The following MAGI3 variants were observed in gnomAD, a reference collection of about 807,000 sequenced individuals.
MAGI3 encodes the protein membrane-associated guanylate kinase, WW and PDZ domain-containing protein 3.
MAGI3 carries 43 observed loss-of-function variants against 121.8 expected under a neutral mutation model. The ratio of observed to expected loss-of-function variants is 0.35; its 90% CI spans 0.28 to 0.46. MAGI3 has a LOEUF of 0.46. Among genes scored for constraint, MAGI3 ranks in the 20% least tolerant of loss-of-function variants. The pLI, the probability that MAGI3 is intolerant of heterozygous loss-of-function variation, is 1.00. For synonymous variants in MAGI3, 553 were observed against 639.3 expected (o/e 0.86, Z 2.04); for missense variants, 1,547 against 1,797.3 (o/e 0.86, Z 2.52).
At chr1:113,431,738 T>C (rs2101421776) in intron 1 of MAGI3, among the ~76,000 whole-genome samples, 1 of 152,264 alleles carries the variant, frequency 6.6e-6, no homozygotes, top group African/African-American at 2.4e-5. Flanking sequence ...AGAAAAAATA[T>C]TTTCAGATAG....
chr1:113,627,490 T>G (rs1319233496), intron 9 of MAGI3, among the ~76,000 whole-genome samples: 1 of 151,340 alleles, frequency 6.6e-6, no homozygotes, highest in East Asian at 1.9e-4. Flanking sequence ...TGATTTTCTG[T>G]CTGGAAGATC....
At chr1:113,444,111 T>C (rs1397155744) in intron 1 of MAGI3, among the ~76,000 whole-genome samples, 1 of 152,222 alleles carries the variant, frequency 6.6e-6, no homozygotes, top group Non-Finnish European at 1.5e-5. Flanking sequence ...CAGTTACAGC[T>C]CTTCGCATGG....
At chr1:113,582,849 T>G in intron 3 of MAGI3, among the ~76,000 whole-genome samples, 1 of 151,886 alleles carries the variant, frequency 6.6e-6, no homozygotes, top group Middle Eastern at 3.4e-3. Flanking sequence ...TATATATAAA[T>G]AAATACATGT....
intron 16 of MAGI3, among the ~76,000 whole-genome samples, chr1:113,671,363 G>A (rs1256126962): frequency 6.6e-6 from 1 of 152,070 alleles, no homozygotes; most frequent in Non-Finnish European, 1.5e-5. Context: ...TCTAGAATGG[G>A]TTACCAATTA....
At chr1:113,645,773 G>A (rs1004663995) in intron 11 of MAGI3, among the ~76,000 whole-genome samples, 2 of 152,092 alleles carry the variant, frequency 1.3e-5, no homozygotes, top group Non-Finnish European at 2.9e-5. Context: ...CCAGGAAAAC[G>A]AGCTGGTCTC....
Position 113,614,639 on chromosome 1 carries a change from T to A in MAGI3, c.1057T>A (p.Tyr353Asn), listed in dbSNP as rs776479772. ...YGWEKIEDPQYGTYYVDHLNQ... is the reference protein window; with the variant it reads ...YGWEKIEDPQNGTYYVDHLNQ... ...CTGGGAGAAAATAGAGGACCCTCAG[T>A]ATGGGACATACTATGTTGAGTAAGT... is the stretch of plus-strand genomic sequence containing the variant. Residue 353 changes from tyrosine (Y) to asparagine (N), a missense_variant, in exon 7 of 21, where the codon TAT becomes AAT. Transcript: ENST00000307546. The A allele has an allele frequency of 6.2e-7, 1 of 1,608,286 alleles. No homozygotes were observed. Among genetic ancestry groups the A allele is most frequent in the Non-Finnish European group, 8.5e-7 (1 of 1,176,868 alleles).
chr1:113,649,463 T>A, intron 13 of MAGI3, 135 bp downstream of exon 13: 5 of 580,602 alleles, frequency 8.6e-6, no homozygotes, highest in African/African-American at 1.9e-5. Context: ...GCATTTCCAT[T>A]ATTATCATAG....
At position 113,673,468 on chromosome 1, in the gene MAGI3, G is replaced by C. The variant is rs1476281927; in HGVS notation, c.3189+3G>C. The C allele has an allele frequency of 6.2e-7, 1 of 1,612,186 alleles. No homozygotes were observed. Among genetic ancestry groups the C allele is most frequent in the Non-Finnish European group, 8.5e-7 (1 of 1,179,716 alleles). On this transcript the variant is annotated splice_donor_region_variant and intron_variant, in intron 19 of 20. Coordinates refer to ENST00000307546, the MANE Select transcript of MAGI3 (RefSeq NM_001142782.2). ...CCATCAAAGATGGCAGAATTCATGT[G>C]AGTTGGTTTCTGTCTGTAACCTTAG...
Position 113,449,360 on chromosome 1 carries a change from GGT to G in MAGI3, c.316+58039_316+58040del, listed in dbSNP as rs71087199. The stretch of plus-strand genomic sequence containing the variant: ...TTTATAAGTGTTGCATTACTTTTAT[GGT>G]GTGTGTGTGTGTGTGTGTGTGTGTG... On this transcript the variant is annotated intron_variant, in intron 1 of 20. Coordinates refer to ENST00000307546, the MANE Select transcript of MAGI3 (RefSeq NM_001142782.2). Among the ~76,000 whole-genome samples, 806 of 147,290 alleles carry G rather than the reference GGT, an allele frequency of 5.5e-3. 5 individuals carry two copies. The highest frequency in any genetic ancestry group is 0.014 in the Middle Eastern group (4 of 282).
chr1:113,573,770 T>G (rs554250674), intron 2 of MAGI3, among the ~76,000 whole-genome samples: 1 of 152,274 alleles, frequency 6.6e-6, no homozygotes, highest in Admixed American at 6.5e-5. Context: ...TCTTGTTGAT[T>G]TGCCTAATAT....
chr1:113,515,058 T>A (rs1657818307), intron 1 of MAGI3, among the ~76,000 whole-genome samples: 1 of 152,108 alleles, frequency 6.6e-6, no homozygotes, highest in African/African-American at 2.4e-5. Flanking sequence ...TTTGAATAGA[T>A]GTTGATTTTG....
chr1:113,547,703 A>C (rs1369641979), intron 1 of MAGI3, among the ~76,000 whole-genome samples: 2 of 152,204 alleles, frequency 1.3e-5, no homozygotes, highest in African/African-American at 2.4e-5. Context: ...ATTTTATTCT[A>C]TCCGGTGATG....
At chr1:113,665,546 G>GT (rs1469380069) in intron 16 of MAGI3, among the ~76,000 whole-genome samples, 1 of 151,988 alleles carries the variant, frequency 6.6e-6, no homozygotes, top group East Asian at 1.9e-4. Flanking sequence ...TCAAAGTGCA[G>GT]TTTTTTGGGG....
At chr1:113,597,414 A>G (rs1649088336) in intron 6 of MAGI3, among the ~76,000 whole-genome samples, 1 of 152,212 alleles carries the variant, frequency 6.6e-6, no homozygotes, top group African/African-American at 2.4e-5. Context: ...TCAGTAAATT[A>G]TTAAAAATTA....
intron 1 of MAGI3, among the ~76,000 whole-genome samples, chr1:113,544,213 A>G (rs766230978): frequency 3.3e-5 from 5 of 152,198 alleles, no homozygotes; most frequent in Non-Finnish European, 5.9e-5. Context: ...ACTTTCATGG[A>G]GGCTTCCCTT....
At chr1:113,532,203 A>G (rs1352086660) in intron 1 of MAGI3, among the ~76,000 whole-genome samples, 1 of 152,140 alleles carries the variant, frequency 6.6e-6, no homozygotes, top group Non-Finnish European at 1.5e-5. Flanking sequence ...ATACTTTGCT[A>G]AGAAAGAAAA....
chr1:113,435,926 G>A (rs1327062252), intron 1 of MAGI3, among the ~76,000 whole-genome samples: 6 of 151,978 alleles, frequency 3.9e-5, no homozygotes, highest in Non-Finnish European at 7.4e-5. Flanking sequence ...ATTTTTAAAG[G>A]TACTTATAGC....
chr1:113,399,409 G>C (rs139899435), intron 1 of MAGI3, among the ~76,000 whole-genome samples: 5 of 152,100 alleles, frequency 3.3e-5, no homozygotes, highest in Admixed American at 3.3e-4. Flanking sequence ...GTTCCTGAAA[G>C]GGTGGGATGC....
intron 6 of MAGI3, among the ~76,000 whole-genome samples, chr1:113,608,028 A>G (rs1362757285): frequency 1.3e-5 from 2 of 152,160 alleles, no homozygotes; most frequent in Non-Finnish European, 2.9e-5. Context: ...ATTTCTTTGT[A>G]GCCCCTTCTG....
Sources: allele counts gnomAD v4.1 joint callset (sites outside exome capture counted in the v4.1 genomes callset), GRCh38; gene constraint gnomAD v4.1.1; transcripts MANE v1.5; gene names NCBI Gene and HGNC (gene_info 2026-07-23, HGNC 2026-07-21).